The following GLRA2 variants were observed in gnomAD, a reference collection of about 807,000 sequenced individuals.
GLRA2 encodes glycine receptor alpha 2, also known as glycine receptor subunit alpha-2.
Under a neutral mutation model 31.6 loss-of-function variants are expected in GLRA2, and 11 were observed. The ratio of observed to expected loss-of-function variants is 0.35; its 90% CI spans 0.22 to 0.58. The LOEUF (loss-of-function observed/expected upper bound fraction) is 0.58, where lower values mean the gene tolerates loss of function less well. Among genes scored for constraint, GLRA2 ranks in the 20% least tolerant of loss-of-function variants. The probability of loss-of-function intolerance (pLI) is 0.84; values close to 1 mark genes in which losing one functional copy is unlikely to be tolerated. For synonymous variants in GLRA2, 132 were observed against 134.0 expected, an observed-to-expected ratio of 0.99 and a Z score of 0.10; for missense variants, 212 against 351.8, an observed-to-expected ratio of 0.60 and a Z score of 3.18.
chrX:14,606,591 TAGA>T (rs1389732111), intron 5 of GLRA2, among the ~76,000 whole-genome samples: 2 of 111,679 alleles, frequency 1.8e-5, no homozygotes, highest in Non-Finnish European at 1.9e-5. Context: ...TTTGCTAAAG[TAGA>T]AGGACTTTAA....
At chrX:14,641,439 A>T (rs2090772090) in intron 7 of GLRA2, among the ~76,000 whole-genome samples, 1 of 111,629 alleles carries the variant, frequency 9.0e-6, no homozygotes, top group African/African-American at 3.3e-5. Flanking sequence ...TATTATCAGA[A>T]GTAAGATAAA....
At chrX:14,720,515 TC>T (rs1306805457) in intron 8 of GLRA2, among the ~76,000 whole-genome samples, 4 of 110,999 alleles carry the variant, frequency 3.6e-5, no homozygotes, top group African/African-American at 1.3e-4. Flanking sequence ...TATAGACTCT[TC>T]CATTCAAAAA....
intron 2 of GLRA2, among the ~76,000 whole-genome samples, chrX:14,534,064 T>G (rs1369403566): frequency 9.0e-6 from 1 of 110,977 alleles, no homozygotes; most frequent in Admixed American, 9.6e-5. Context: ...CATTGCTACT[T>G]TAAGTGACCA....
the GLRA2 span, among the ~76,000 whole-genome samples, chrX:14,500,401 G>T: frequency 8.9e-6 from 1 of 112,482 alleles, no homozygotes; most frequent in Non-Finnish European, 1.9e-5. Context: ...ATGCCCAGGG[G>T]ACCTGAAACA....
At chrX:14,531,209 T>C (rs1293453792) in intron 1 of GLRA2, 39 of 810,250 alleles carry the variant, frequency 4.8e-5, no homozygotes, top group Non-Finnish European at 6.3e-5. Flanking sequence ...ATATCAATTT[T>C]TAACTCCTAC....
At chrX:14,717,239 C>T (rs944859953) in intron 8 of GLRA2, among the ~76,000 whole-genome samples, 2 of 109,367 alleles carry the variant, frequency 1.8e-5, no homozygotes, top group East Asian at 5.8e-4. Flanking sequence ...CAGAGAGAAG[C>T]TTTCAGTGCA....
the GLRA2 span, among the ~76,000 whole-genome samples, chrX:14,472,935 T>C: frequency 9.9e-5 from 11 of 111,217 alleles, no homozygotes; most frequent in Non-Finnish European, 2.1e-4. Flanking sequence ...TTCTGGCAGC[T>C]GAAGTGAAGT....
chrX:14,571,942 C>A (rs1024039104), intron 2 of GLRA2, among the ~76,000 whole-genome samples: 1 of 111,713 alleles, frequency 9.0e-6, no homozygotes, highest in Non-Finnish European at 1.9e-5. Flanking sequence ...TGATGAGACA[C>A]TGACTCTCAG....
intron 7 of GLRA2, among the ~76,000 whole-genome samples, chrX:14,687,926 G>T (rs1480188175): frequency 1.8e-5 from 2 of 111,978 alleles, no homozygotes; most frequent in African/African-American, 3.2e-5. Flanking sequence ...CACCATCTTT[G>T]TGGTTTTATC....
chrX:14,555,404 T>C (rs184196716), intron 2 of GLRA2, among the ~76,000 whole-genome samples: 4 of 111,472 alleles, frequency 3.6e-5, no homozygotes, highest in Non-Finnish European at 5.7e-5. Flanking sequence ...ATACAAATAG[T>C]ATATAGTAGA....
chrX:14,656,700 G>T (rs2090944554), intron 7 of GLRA2, among the ~76,000 whole-genome samples: 1 of 112,251 alleles, frequency 8.9e-6, no homozygotes, highest in Non-Finnish European at 1.9e-5. Context: ...AACAGCTACT[G>T]TTCTAGGCAC....
At chrX:14,580,244 G>A (rs905141138) in intron 3 of GLRA2, among the ~76,000 whole-genome samples, 1 of 112,445 alleles carries the variant, frequency 8.9e-6, no homozygotes, top group African/African-American at 3.2e-5. Context: ...GGTAAAAAAT[G>A]TAAAGGAAAG....
At chrX:14,691,001 G>A (rs962954291) in intron 8 of GLRA2, 142 bp downstream of exon 8, 6 of 565,080 alleles carry the variant, frequency 1.1e-5, no homozygotes, top group Non-Finnish European at 1.4e-5. Context: ...CTGACTTAGT[G>A]CTCAGCTTAG....
intron 2 of GLRA2, among the ~76,000 whole-genome samples, chrX:14,535,380 A>G (rs2089308772): frequency 8.9e-6 from 1 of 112,101 alleles, no homozygotes; most frequent in Admixed American, 9.5e-5. Context: ...GAAAGATGTC[A>G]TAATGGGCAT....
intron 4 of GLRA2, among the ~76,000 whole-genome samples, chrX:14,597,957 T>G (rs1700540266): frequency 8.9e-6 from 1 of 111,756 alleles, no homozygotes; most frequent in African/African-American, 3.3e-5. Flanking sequence ...CAGCAGGTGT[T>G]CTGAGAATTA....
At chrX:14,565,263 A>C (rs761041496) in intron 2 of GLRA2, among the ~76,000 whole-genome samples, 26 of 112,064 alleles carry the variant, frequency 2.3e-4, no homozygotes, top group African/African-American at 8.4e-4. Context: ...GTAGGCTAAC[A>C]GCAGAAGAAT....
chrX:14,707,953 ATT>A (rs1252069791), intron 8 of GLRA2, among the ~76,000 whole-genome samples: 2 of 111,106 alleles, frequency 1.8e-5, no homozygotes, highest in African/African-American at 6.6e-5. Context: ...ATCATCTCAC[ATT>A]GTTACCAGTT....
chrX:14,462,486 A>G, the GLRA2 span, among the ~76,000 whole-genome samples: 1 of 111,895 alleles, frequency 8.9e-6, no homozygotes, highest in Non-Finnish European at 1.9e-5. Flanking sequence ...ACGTACACCA[A>G]TCAAATGTAG....
chrX:14,593,099 C>G (rs2090162007), intron 4 of GLRA2, among the ~76,000 whole-genome samples: 1 of 111,779 alleles, frequency 8.9e-6, no homozygotes, highest in South Asian at 3.8e-4. Flanking sequence ...ACATTAATAC[C>G]AAAATAAACA....
Sources: allele counts gnomAD v4.1 joint callset (sites outside exome capture counted in the v4.1 genomes callset), GRCh38; gene constraint gnomAD v4.1.1; transcripts MANE v1.5; gene names NCBI Gene and HGNC (gene_info 2026-07-23, HGNC 2026-07-21).